The following DOCK2 variants were observed in gnomAD, a reference collection of about 807,000 sequenced individuals.
The protein encoded by DOCK2 is dedicator of cytokinesis 2.
A neutral mutation model predicts 248.9 loss-of-function variants in DOCK2; 87 were observed. That is an observed-to-expected ratio of 0.35 (90% CI 0.29 to 0.42). DOCK2 has a LOEUF of 0.42. DOCK2 is among the 10% of genes least tolerant of loss of function. The probability of loss-of-function intolerance (pLI) is 1.00; values close to 1 mark genes in which losing one functional copy is unlikely to be tolerated. For synonymous variants in DOCK2, 805 were observed against 821.6 expected (o/e 0.98, Z 0.35); for missense variants, 1,747 against 2,300.2 (o/e 0.76, Z 4.92).
At chr5:169,714,937 A>G (rs1761819796) in intron 19 of DOCK2, among the ~76,000 whole-genome samples, 1 of 152,118 alleles carries the variant, frequency 6.6e-6, no homozygotes, top group Non-Finnish European at 1.5e-5. Context: ...ATATATATGT[A>G]TGTATGTGTG....
rs759775581 is a variant in DOCK2, at chr5:169,818,763, G to A, written c.2703+15557G>A. Among the ~76,000 whole-genome samples, 142 of 152,038 alleles carry A rather than the reference G, an allele frequency of 9.3e-4. 1 individual carries two copies. Among genetic ancestry groups the A allele is most frequent in the Non-Finnish European group, 1.4e-3 (96 of 68,010 alleles). ...GACTGTGTGACCTGAGATAGGTCAC[G>A]CAAACATATCTTTGAGACAGCAATG... is the stretch of plus-strand genomic sequence containing the variant. On this transcript the variant is annotated intron_variant, in intron 26 of 51. Coordinates refer to ENST00000520908, the MANE Select transcript of DOCK2 (RefSeq NM_004946.3).
chr5:169,668,697 A>G (rs1312352475), intron 2 of DOCK2, among the ~76,000 whole-genome samples: 2 of 152,194 alleles, frequency 1.3e-5, no homozygotes, highest in Non-Finnish European at 2.9e-5. Context: ...ATTTTTTAAT[A>G]TAATATTCCT....
At chr5:169,952,474 T>C (rs536844999) in intron 27 of DOCK2, among the ~76,000 whole-genome samples, 151 of 152,230 alleles carry the variant, frequency 9.9e-4, no homozygotes, top group Middle Eastern at 6.8e-3. Context: ...GCTGGTCTTA[T>C]GCAGGTGACC....
intron 15 of DOCK2, among the ~76,000 whole-genome samples, chr5:169,710,505 T>C (rs765583295): frequency 3.9e-5 from 6 of 152,188 alleles, no homozygotes; most frequent in Non-Finnish European, 8.8e-5. Context: ...ACTACAAATA[T>C]TACATTACCA....
At chr5:169,654,561 C>T (rs576137078) in intron 2 of DOCK2, 75 bp downstream of exon 2, 43 of 1,508,636 alleles carry the variant, frequency 2.9e-5, no homozygotes, top group Middle Eastern at 2.1e-4. Context: ...GGCCCCTCAG[C>T]GCTGTCTCTG....
chr5:169,742,833 C>T (rs901012792), intron 22 of DOCK2, among the ~76,000 whole-genome samples: 1 of 152,154 alleles, frequency 6.6e-6, no homozygotes, highest in South Asian at 2.1e-4. Context: ...AGCCGAGCAT[C>T]GCTATATTTA....
chr5:169,913,083 A>G (rs951420247), intron 27 of DOCK2, among the ~76,000 whole-genome samples: 7 of 152,202 alleles, frequency 4.6e-5, no homozygotes, highest in African/African-American at 7.2e-5. Flanking sequence ...CATAACCATT[A>G]AAGTGTTGTC....
At chr5:169,717,220 AC>A (rs1364351208) in intron 20 of DOCK2, among the ~76,000 whole-genome samples, 163 bp from the exon 21 acceptor site, 6 of 152,192 alleles carry the variant, frequency 3.9e-5, no homozygotes, top group African/African-American at 1.4e-4. Flanking sequence ...ACTTCATGAA[AC>A]ATTTTCTTTG....
rs61670398 is a variant in DOCK2, at chr5:169,807,833, C to CAAAAAAAAAAAAAAAAAAAAAAAAA, written c.2703+4629_2703+4653dup. 7.0e-4 allele frequency among the ~76,000 whole-genome samples: 17 copies of CAAAAAAAAAAAAAAAAAAAAAAAAA among 24,228 alleles called. 1 individual carries two copies. Among genetic ancestry groups the CAAAAAAAAAAAAAAAAAAAAAAAAA allele is most frequent in the Non-Finnish European group, 1.5e-3 (13 of 8,604 alleles). The allele number at this position is 24,228 out of a possible 152,430, so 15.9% of individuals were successfully genotyped here. A position where few individuals can be genotyped will look rare whatever the true frequency, so the allele number is the denominator to read the frequency against. On this transcript the variant is annotated intron_variant, in intron 26 of 51. Coordinates refer to ENST00000520908, the MANE Select transcript of DOCK2 (RefSeq NM_004946.3). ...TGGGAGACAGAGCAAGACTCTGTCTCAAAAAAAAAAAAAAAAAAAAAAAAA... is the reference window on the plus strand; with the variant it reads ...TGGGAGACAGAGCAAGACTCTGTCTCAAAAAAAAAAAAAAAAAAAAAAAAAAAAAAAAAAAAAAAAAAAAAAAAAA...
intron 25 of DOCK2, among the ~76,000 whole-genome samples, chr5:169,787,898 C>T (rs1766086950): frequency 6.6e-6 from 1 of 151,720 alleles, no homozygotes; most frequent in African/African-American, 2.4e-5. Context: ...AATTAAGAAG[C>T]CACTCTCTGC....
chr5:169,820,518 T>A (rs1581239453), intron 26 of DOCK2, among the ~76,000 whole-genome samples: 1 of 152,130 alleles, frequency 6.6e-6, no homozygotes, highest in Admixed American at 6.5e-5. Flanking sequence ...AGGTCTGGAG[T>A]GGACCTCCAG....
chr5:169,659,967 G>C (rs1374468802), intron 2 of DOCK2, among the ~76,000 whole-genome samples: 3 of 152,168 alleles, frequency 2.0e-5, no homozygotes, highest in Non-Finnish European at 4.4e-5. Context: ...TACTTCTTCT[G>C]TTTCCCCAGT....
intron 14 of DOCK2, among the ~76,000 whole-genome samples, chr5:169,706,534 G>A (rs962074583): frequency 1.3e-5 from 2 of 152,212 alleles, no homozygotes; most frequent in African/African-American, 4.8e-5. Context: ...GCGAGGTGGT[G>A]TGTGTGCAGG....
At chr5:169,841,307 T>G (rs1458454226) in intron 27 of DOCK2, 1 of 996,242 alleles carries the variant, frequency 1.0e-6, no homozygotes, top group Non-Finnish European at 1.2e-6. Flanking sequence ...AGGTCATTAC[T>G]ACATATTGAG....
At chr5:169,751,885 A>T (rs2113705219) in intron 23 of DOCK2, among the ~76,000 whole-genome samples, 1 of 152,324 alleles carries the variant, frequency 6.6e-6, no homozygotes, top group South Asian at 2.1e-4. Context: ...CACTATCCTC[A>T]GTGTTCATAG....
intron 25 of DOCK2, among the ~76,000 whole-genome samples, chr5:169,766,669 T>C (rs1441949397): frequency 6.6e-6 from 1 of 152,250 alleles, no homozygotes; most frequent in Non-Finnish European, 1.5e-5. Flanking sequence ...TCCAAACTGC[T>C]TTCCATGATG....
chr5:169,728,259 C>T (rs151181918), intron 22 of DOCK2, among the ~76,000 whole-genome samples: 12 of 152,034 alleles, frequency 7.9e-5, no homozygotes, highest in East Asian at 3.9e-4. Context: ...TTGGCAGAAC[C>T]GGATGAAAAT....
At chr5:169,874,456 G>A (rs1772190447) in intron 27 of DOCK2, among the ~76,000 whole-genome samples, 1 of 145,940 alleles carries the variant, frequency 6.9e-6, no homozygotes, top group Non-Finnish European at 1.5e-5. Flanking sequence ...TGTGGAGTTT[G>A]AGAAAATGGA....
intron 25 of DOCK2, among the ~76,000 whole-genome samples, chr5:169,781,417 C>G (rs1018388733): frequency 6.6e-6 from 1 of 152,186 alleles, no homozygotes; most frequent in African/African-American, 2.4e-5. Context: ...ACCACTTAAC[C>G]TCTCTGGGCT....
Sources: allele counts gnomAD v4.1 joint callset (sites outside exome capture counted in the v4.1 genomes callset), GRCh38; gene constraint gnomAD v4.1.1; transcripts MANE v1.5; gene names NCBI Gene and HGNC (gene_info 2026-07-23, HGNC 2026-07-21).